LAMA2: variants seen among roughly 807,000 people sequenced by gnomAD.
The protein encoded by LAMA2 is laminin subunit alpha 2.
LAMA2 carries 269 observed loss-of-function variants against 364.8 expected under a neutral mutation model. The observed-to-expected ratio is 0.74, with a 90% CI of 0.67 to 0.82. LAMA2 has a LOEUF of 0.82. LAMA2 is among the 40% of genes least tolerant of loss of function. The pLI is 0.00. For synonymous variants in LAMA2, 1,379 were observed against 1,370.6 expected (o/e 1.01, Z -0.14); for missense variants, 3,807 against 3,873.2 (o/e 0.98, Z 0.45).
chr6:129,315,496 G>C lies in LAMA2; in HGVS notation c.3576G>C (p.Gln1192His). The C allele has an allele frequency of 6.2e-7, 1 of 1,614,198 alleles. No individual in the cohort carries two copies. Among genetic ancestry groups the C allele is most frequent in the Non-Finnish European group, 8.5e-7 (1 of 1,180,028 alleles). The change falls in exon 25 of 65, where the codon CAG becomes CAC. Residue 1192 changes from glutamine (Q) to histidine (H), a missense_variant. Physicochemically the swap from Gln to His is conservative, Grantham distance 24. Around this residue, in one of 3 missense-constraint regions of LAMA2, gnomAD observed 3,333 missense variants for 3,345.7 expected, o/e 1.00. Coordinates refer to ENST00000421865, the MANE Select transcript of LAMA2 (RefSeq NM_000426.4). ...IRTWVTLKAE[Q>H]TILPLVDEAL... ...TGCAGGTGACTCTGAAGGCTGAGCA[G>C]ACCATTCTACCCCTGGTAGATGAGG... is the stretch of plus-strand genomic sequence containing the variant.
intron 15 of LAMA2, among the ~76,000 whole-genome samples, chr6:129,264,754 G>A (rs1352861318): frequency 6.6e-6 from 1 of 152,086 alleles, no homozygotes; most frequent in Non-Finnish European, 1.5e-5. Flanking sequence ...CTAGGCCCAA[G>A]GCTGATGAAA....
At chr6:129,123,140 TA>T in intron 4 of LAMA2, among the ~76,000 whole-genome samples, 3 of 151,770 alleles carry the variant, frequency 2.0e-5, no homozygotes, top group Admixed American at 2.0e-4. Context: ...CTGTCTCTAC[TA>T]AAAAACATCC....
chr6:129,315,663 C>T lies in LAMA2; in HGVS notation c.3735+8C>T. On this transcript the variant is annotated splice_region_variant and intron_variant, in intron 25 of 64. Transcript: ENST00000421865. ...CAATTTGAAGGAAAGAAGGTAAGCA[C>T]AAGAACTTTAATGTCAAGTGAGAAC... 1 of 1,613,762 alleles carries T rather than the reference C, an allele frequency of 6.2e-7. No homozygotes were observed. The highest frequency in any genetic ancestry group is 8.5e-7 in the Non-Finnish European group (1 of 1,179,632).
rs78142376 is a variant in LAMA2, at chr6:129,347,421, T to A, written c.4437-1877T>A. Among the ~76,000 whole-genome samples the A allele has an allele frequency of 8.7e-4, 132 of 152,114 alleles. 1 individual carries two copies. The East Asian group carries it at 0.02, about 24-fold the overall frequency. Reference sequence around the variant, plus strand: ...AGGAGAGAGGAGAAGGGAACAGAAATCAGAAAACTGAATTGTGAAGCACGT... The same window carrying A: ...AGGAGAGAGGAGAAGGGAACAGAAAACAGAAAACTGAATTGTGAAGCACGT... On this transcript the variant is annotated intron_variant, in intron 30 of 64. Coordinates refer to ENST00000421865, the MANE Select transcript of LAMA2 (RefSeq NM_000426.4).
chr6:129,357,182 T>A (rs369318237), intron 32 of LAMA2, among the ~76,000 whole-genome samples: 2 of 152,078 alleles, frequency 1.3e-5, no homozygotes, highest in African/African-American at 2.4e-5. Flanking sequence ...GAAGCCATTA[T>A]TTGCTTAACA....
At chr6:128,961,347 A>G (rs1302880358) in intron 1 of LAMA2, among the ~76,000 whole-genome samples, 1 of 61,174 alleles carries the variant, frequency 1.6e-5, no homozygotes, top group Non-Finnish European at 3.2e-5. Flanking sequence ...ATATATATAT[A>G]TATATATATA....
At chr6:129,138,512 G>C (rs1025575960) in intron 4 of LAMA2, among the ~76,000 whole-genome samples, 2 of 152,014 alleles carry the variant, frequency 1.3e-5, no homozygotes, top group Non-Finnish European at 2.9e-5. Context: ...TAGTCTGAAA[G>C]GTCTAAAGAT....
At chr6:129,101,795 G>T (rs938441356) in intron 4 of LAMA2, among the ~76,000 whole-genome samples, 1 of 152,126 alleles carries the variant, frequency 6.6e-6, no homozygotes, top group African/African-American at 2.4e-5. Context: ...CTACATATCT[G>T]CAAAGTGATG....
intron 1 of LAMA2, among the ~76,000 whole-genome samples, chr6:129,007,131 G>A (rs987981632): frequency 2.6e-5 from 4 of 152,158 alleles, no homozygotes; most frequent in African/African-American, 9.7e-5. Flanking sequence ...CGTAGGGGAA[G>A]CAATCTGGTG....
Position 129,158,861 on chromosome 6 carries a change from T to C in LAMA2, c.1206+4178T>C. The C allele has an allele frequency of 1.1e-5, 17 of 1,613,896 alleles. No individual in the cohort carries two copies. The South Asian group carries it at 1.8e-4, about 17-fold the overall frequency. Reference sequence around the variant, plus strand: ...TGTGGTTTCTCCCTGGTCATCTTCTTCTATGATGGCAAAGCAACGTCCATT... The same window carrying C: ...TGTGGTTTCTCCCTGGTCATCTTCTCCTATGATGGCAAAGCAACGTCCATT... On this transcript the variant is annotated intron_variant, in intron 8 of 64. Coordinates refer to ENST00000421865, the MANE Select transcript of LAMA2 (RefSeq NM_000426.4).
chr6:129,418,488 G>A (rs950563122), intron 40 of LAMA2, among the ~76,000 whole-genome samples: 6 of 152,114 alleles, frequency 3.9e-5, no homozygotes, highest in South Asian at 2.1e-4. Context: ...TAAGAGATAC[G>A]GAAGTTGAAC....
intron 1 of LAMA2, among the ~76,000 whole-genome samples, chr6:128,898,747 A>G (rs1011536730): frequency 2.0e-5 from 3 of 152,246 alleles, no homozygotes; most frequent in Non-Finnish European, 4.4e-5. Context: ...TTTCTATTAT[A>G]AGAATAAATT....
At chr6:129,029,962 G>A (rs1213854024) in intron 1 of LAMA2, among the ~76,000 whole-genome samples, 3 of 151,874 alleles carry the variant, frequency 2.0e-5, no homozygotes, top group African/African-American at 7.2e-5. Context: ...GTTCTCAGCT[G>A]GAAAAAAGAG....
rs1177992657 is a variant in LAMA2 at position 129,307,580 on chromosome 6, G to GT, written c.3175-5274dup. ...AAATTGCCTCTGTACACTGCTTCAT[G>GT]TTTTTTTCCTTCTCTCAGAAATCAC... On this transcript the variant is annotated intron_variant, in intron 22 of 64. Coordinates refer to ENST00000421865, the MANE Select transcript of LAMA2 (RefSeq NM_000426.4). 7.2e-5 allele frequency among the ~76,000 whole-genome samples: 11 copies of GT among 152,186 alleles called. No homozygotes were observed. In the East Asian group the frequency reaches 7.7e-4, roughly 11 times the overall value.
At chr6:129,148,865 T>G in intron 6 of LAMA2, 114 bp from the exon 7 acceptor site, 1 of 819,340 alleles carries the variant, frequency 1.2e-6, no homozygotes, top group Non-Finnish European at 2.2e-6. Context: ...TAGTTTTACA[T>G]TTTAGTACAC....
At chr6:129,296,428 A>G (rs1190926256) in intron 20 of LAMA2, among the ~76,000 whole-genome samples, 2 of 152,042 alleles carry the variant, frequency 1.3e-5, no homozygotes, top group Non-Finnish European at 2.9e-5. Flanking sequence ...CTGAATTAGA[A>G]CTAGAAATAA....
At chr6:129,355,997 A>C (rs1777133137) in intron 32 of LAMA2, among the ~76,000 whole-genome samples, 1 of 152,148 alleles carries the variant, frequency 6.6e-6, no homozygotes, top group Admixed American at 6.5e-5. Context: ...AAAGTATATA[A>C]AATTCTGCTG....
At chr6:128,927,609 A>G (rs1779178008) in intron 1 of LAMA2, among the ~76,000 whole-genome samples, 1 of 151,802 alleles carries the variant, frequency 6.6e-6, no homozygotes, top group South Asian at 2.1e-4. Context: ...GTCCTCACCC[A>G]CCTCCATCAA....
intron 55 of LAMA2, among the ~76,000 whole-genome samples, chr6:129,483,181 ATACT>A (rs1784434903): frequency 2.0e-5 from 3 of 151,776 alleles, no homozygotes; most frequent in Admixed American, 1.3e-4. Flanking sequence ...TTTTTAAAAA[ATACT>A]TAAGTAAACT....
Sources: allele counts gnomAD v4.1 joint callset (sites outside exome capture counted in the v4.1 genomes callset), GRCh38; gene constraint gnomAD v4.1.1; regional missense constraint gnomAD v4.1.1; transcripts MANE v1.5; gene names NCBI Gene and HGNC (gene_info 2026-07-23, HGNC 2026-07-21).